The following PRDM1 variants were observed in gnomAD, a reference collection of about 807,000 sequenced individuals.
PRDM1 encodes the protein PR/SET domain 1.
Under a neutral mutation model 62.8 loss-of-function variants are expected in PRDM1, and 13 were observed. The observed-to-expected ratio is 0.21, with a 90% CI of 0.13 to 0.33. The LOEUF (loss-of-function observed/expected upper bound fraction) is 0.33. Among genes scored for constraint, PRDM1 ranks in the 10% least tolerant of loss-of-function variants. The pLI, the probability that PRDM1 is intolerant of heterozygous loss-of-function variation, is 1.00. For missense variants in PRDM1, 895 were observed against 1,058.8 expected, an observed-to-expected ratio of 0.85 and a Z score of 2.15; for synonymous variants, 396 against 417.6, an observed-to-expected ratio of 0.95 and a Z score of 0.63.
upstream of PRDM1, chr6:106,086,244 G>T (rs920543966): frequency 7.7e-6 from 3 of 390,590 alleles, no homozygotes; most frequent in African/African-American, 6.2e-5. Flanking sequence ...CCTGGGCTCG[G>T]CCAGGTGGTG....
chr6:106,011,233 TA>T (rs1772544355), intron 1 of PRDM1, among the ~76,000 whole-genome samples: 1 of 152,212 alleles, frequency 6.6e-6, no homozygotes, highest in Non-Finnish European at 1.5e-5. Flanking sequence ...ATCACCTTTA[TA>T]ACAATCCCAG....
chr6:106,090,734 A>G (rs565792467), intron 2 of PRDM1, among the ~76,000 whole-genome samples: 4 of 152,332 alleles, frequency 2.6e-5, no homozygotes, highest in Admixed American at 1.3e-4. Context: ...TGTACTTTTT[A>G]TCTGACTTAT....
chr6:106,108,477 T>C lies in PRDM1; in HGVS notation c.*991T>C, dbSNP rs1774577510. 8.7e-6 allele frequency: 2 copies of C among 230,788 alleles called. No individual in the cohort carries two copies. The highest frequency in any genetic ancestry group is 1.7e-5 in the Non-Finnish European group (2 of 117,264). The allele number at this position is 230,788 out of a possible 1,614,324, so 14.3% of individuals were successfully genotyped here. ...TAGGTGGCTTTGTGTGTGTGCGATT[T>C]GGGGGCTTGAGTCTGGGTGGTGTTT... On this transcript the variant is annotated 3_prime_UTR_variant, in exon 7 of 7. Coordinates refer to ENST00000369096, the MANE Select transcript of PRDM1 (RefSeq NM_001198.4).
intron 1 of PRDM1, among the ~76,000 whole-genome samples, chr6:105,999,141 G>A (rs1163217981): frequency 6.6e-6 from 1 of 151,894 alleles, no homozygotes; most frequent in East Asian, 2.0e-4. Context: ...AGCTCACTAT[G>A]TTGCCCAGGT....
At chr6:106,018,111 G>A (rs900627500) in intron 1 of PRDM1, among the ~76,000 whole-genome samples, 1 of 151,868 alleles carries the variant, frequency 6.6e-6, no homozygotes, top group African/African-American at 2.4e-5. Context: ...CATCTGAACC[G>A]CTCAGCCTTT....
rs2114656930 is a variant in PRDM1, at chr6:106,105,663, C to T, written c.1503C>T (p.Ala501=). The T allele has an allele frequency of 3.7e-6, 6 of 1,612,194 alleles. No individual in the cohort carries two copies. The highest frequency in any genetic ancestry group is 3.4e-6 in the Non-Finnish European group (4 of 1,178,648). Reference sequence around the variant, plus strand: ...ACAGTGCCTTCTCCTTTACCGGGGCCGCCGCCAGCATGAAGGACAAGGCCT... The same window carrying T: ...ACAGTGCCTTCTCCTTTACCGGGGCTGCCGCCAGCATGAAGGACAAGGCCT... ...APHSAFSFTG[A]AASMKDKACS... is the part of the protein sequence containing the mutation. The change falls in exon 5 of 7, where the codon GCC becomes GCT. Residue 501 remains alanine (A), a synonymous_variant. Transcript: ENST00000369096.
At chr6:106,087,059 A>G (rs1773829034) in intron 1 of PRDM1, among the ~76,000 whole-genome samples, 1 of 152,208 alleles carries the variant, frequency 6.6e-6, no homozygotes, top group Non-Finnish European at 1.5e-5. Context: ...CTTCCACAGA[A>G]TGTTATGTTT....
intron 1 of PRDM1, among the ~76,000 whole-genome samples, chr6:106,004,019 G>A (rs1772457035): frequency 1.3e-5 from 2 of 152,126 alleles, no homozygotes; most frequent in Non-Finnish European, 2.9e-5. Context: ...TTGTTTTTGT[G>A]GGTAATGCTC....
chr6:105,996,584 T>C (rs543153586), intron 1 of PRDM1, among the ~76,000 whole-genome samples: 12 of 152,320 alleles, frequency 7.9e-5, no homozygotes, highest in African/African-American at 2.2e-4. Flanking sequence ...ATCTTATAGT[T>C]TGGACTGCAT....
intron 1 of PRDM1, among the ~76,000 whole-genome samples, chr6:106,023,719 C>G (rs1267655733): frequency 6.6e-6 from 1 of 152,144 alleles, no homozygotes; most frequent in Non-Finnish European, 1.5e-5. Context: ...TGCAATTGTC[C>G]CAGAGCTGGA....
chr6:106,015,247 T>C (rs1772605070), intron 1 of PRDM1, among the ~76,000 whole-genome samples: 1 of 152,250 alleles, frequency 6.6e-6, no homozygotes, highest in African/African-American at 2.4e-5. Context: ...TTAATGCTTC[T>C]TGAAGTTAAA....
At chr6:106,073,122 T>TG (rs1234107251) in intron 1 of PRDM1, among the ~76,000 whole-genome samples, 3 of 140,872 alleles carry the variant, frequency 2.1e-5, no homozygotes, top group Admixed American at 2.1e-4. Flanking sequence ...TTTTTTTTTT[T>TG]GTTTGTTTTT....
At position 106,107,359 on chromosome 6, in the gene PRDM1, T is replaced by C. The variant is rs778853503; in HGVS notation, c.2351T>C (p.Leu784Pro). The C allele has an allele frequency of 5.6e-6, 9 of 1,613,936 alleles. No individual in the cohort carries two copies. Among genetic ancestry groups the C allele is most frequent in the Non-Finnish European group, 7.6e-6 (9 of 1,180,012 alleles). Reference sequence around the variant, plus strand: ...TTGCAAAGAAACATGGGGAATGGACTCCTCTCCTCAGGGTGCAGCCTTTAT... The same window carrying C: ...TTGCAAAGAAACATGGGGAATGGACCCCTCTCCTCAGGGTGCAGCCTTTAT... ...VSLQRNMGNGLLSSGCSLYES... is the reference protein window; with the variant it reads ...VSLQRNMGNGPLSSGCSLYES... The change falls in exon 7 of 7, where the codon CTC becomes CCC. Residue 784 changes from leucine (L) to proline (P), a missense_variant. By Grantham distance (98) the Leu-to-Pro change is moderately conservative. This residue lies in a region of PRDM1 where 164 missense variants were observed against 179.9 expected (regional missense o/e 0.91). Transcript: ENST00000369096.
chr6:106,092,802 C>A (rs1773999384), intron 2 of PRDM1, among the ~76,000 whole-genome samples: 1 of 152,106 alleles, frequency 6.6e-6, no homozygotes, highest in African/African-American at 2.4e-5. Context: ...CTCAGACGTG[C>A]ATTTGAGATG....
At chr6:106,039,479 CTA>C (rs940588071) in intron 1 of PRDM1, among the ~76,000 whole-genome samples, 1 of 152,180 alleles carries the variant, frequency 6.6e-6, no homozygotes, top group Non-Finnish European at 1.5e-5. Context: ...GGATTATCCT[CTA>C]TAGCTACTAT....
chr6:106,106,875 C>G lies in PRDM1; in HGVS notation c.1903-36C>G, dbSNP rs371154252. The G allele has an allele frequency of 2.6e-4, 401 of 1,565,076 alleles. No individual in the cohort carries two copies. Among genetic ancestry groups the G allele is most frequent in the Non-Finnish European group, 3.4e-4 (394 of 1,147,910 alleles). The stretch of plus-strand genomic sequence containing the variant: ...ACTCTTAATCTTCTGGCCTTCCTGT[C>G]TCCCTTCCCTGCTGTCTCTCTCCCC... On this transcript the variant is annotated intron_variant, in intron 6 of 6. Coordinates refer to ENST00000369096, the MANE Select transcript of PRDM1 (RefSeq NM_001198.4). The surrounding 1 kb of genome is among the most constrained non-coding windows in gnomAD (Gnocchi z 4.4).
chr6:106,041,003 C>T (rs1263339138), intron 1 of PRDM1, among the ~76,000 whole-genome samples: 2 of 152,076 alleles, frequency 1.3e-5, no homozygotes, highest in African/African-American at 4.8e-5. Context: ...CCTATTTTTT[C>T]CCCACTATAA....
chr6:106,006,195 C>T lies in PRDM1; in HGVS notation c.-67+12556C>T, dbSNP rs559655841. On this transcript the variant is annotated intron_variant, in intron 1 of 6. Transcript: ENST00000652320. ...ACATGCTGCGTGTAAACACTTAATGCGTGTGTTCTAGCAGACTCAGCCAAG... is the reference window on the plus strand; with the variant it reads ...ACATGCTGCGTGTAAACACTTAATGTGTGTGTTCTAGCAGACTCAGCCAAG... Among the ~76,000 whole-genome samples the T allele has an allele frequency of 1.3e-3, 198 of 152,286 alleles. 1 individual carries two copies. Among genetic ancestry groups the T allele is most frequent in the African/African-American group, 4.7e-3 (197 of 41,556 alleles).
At chr6:106,076,152 T>C (rs1345859581) in intron 1 of PRDM1, among the ~76,000 whole-genome samples, 1 of 152,088 alleles carries the variant, frequency 6.6e-6, no homozygotes, top group African/African-American at 2.4e-5. Context: ...GGTTTTGCCA[T>C]GTTGCCCAGG....
Sources: gnomAD v4.1 joint callset for allele counts (sites outside exome capture counted in the v4.1 genomes callset) on GRCh38, gnomAD v4.1.1 for gene constraint, gnomAD v4.1.1 regional missense constraint, Gnocchi (gnomAD v3.1) non-coding constraint, MANE v1.5 for transcripts, NCBI Gene and HGNC (gene_info 2026-07-23, HGNC 2026-07-21) for gene names.